SPEF2: variants seen among roughly 807,000 people sequenced by gnomAD.
SPEF2 encodes the protein sperm flagellar and cilia associated 2.
A neutral mutation model predicts 224.6 loss-of-function variants in SPEF2; 187 were observed. The observed-to-expected ratio is 0.83, with a 90% CI of 0.74 to 0.94. The LOEUF is 0.94. SPEF2 is among the 40% of genes least tolerant of loss of function. The pLI is 0.00. For synonymous variants in SPEF2, 715 were observed against 707.3 expected (o/e 1.01, Z -0.17); for missense variants, 2,170 against 2,135.6 (o/e 1.02, Z -0.32).
In SPEF2 at chr5:35,709,121, G is replaced by C; in HGVS notation, c.2839G>C (p.Glu947Gln). 1 of 1,607,814 alleles carries C rather than the reference G, an allele frequency of 6.2e-7. No homozygotes were observed. Among genetic ancestry groups the C allele is most frequent in the Non-Finnish European group, 8.5e-7 (1 of 1,178,352 alleles). ...TACTGCAAAAGGAAAACCTCAATCA[G>C]GTGATTGACAGAATGATTTATAATC... ...TPTAKGKPQSEAPHGKQESLQ... is the reference protein window; with the variant it reads ...TPTAKGKPQSQAPHGKQESLQ... Residue 947 changes from glutamate to glutamine, a missense_variant and splice_region_variant, in exon 19 of 37, where the codon GAA becomes CAA. By Grantham distance (29) the Glu-to-Gln change is conservative. Transcript: ENST00000356031.
chr5:35,666,838 G>T (rs372272257), intron 8 of SPEF2, among the ~76,000 whole-genome samples: 2 of 152,144 alleles, frequency 1.3e-5, no homozygotes, highest in Non-Finnish European at 2.9e-5. Flanking sequence ...GTTAGATCAC[G>T]TCTGACTGTA....
intron 2 of SPEF2, among the ~76,000 whole-genome samples, chr5:35,634,763 T>C (rs570030877): frequency 6.6e-6 from 1 of 152,142 alleles, no homozygotes; most frequent in African/African-American, 2.4e-5. Context: ...TCCTATATTG[T>C]ACATATCTAT....
chr5:35,743,138 G>A (rs891120886), intron 23 of SPEF2, among the ~76,000 whole-genome samples: 2 of 150,952 alleles, frequency 1.3e-5, no homozygotes, highest in Admixed American at 6.6e-5. Flanking sequence ...TAGATATGGT[G>A]GACACACTCC....
At chr5:35,798,051 A>G (rs1465331220) in intron 33 of SPEF2, among the ~76,000 whole-genome samples, 1 of 152,142 alleles carries the variant, frequency 6.6e-6, no homozygotes, top group Non-Finnish European at 1.5e-5. Context: ...CAAAACGCGT[A>G]AATCCCGAAT....
intron 8 of SPEF2, among the ~76,000 whole-genome samples, chr5:35,662,367 T>C (rs1050691556): frequency 6.6e-6 from 1 of 152,198 alleles, no homozygotes; most frequent in African/African-American, 2.4e-5. Flanking sequence ...TTTTCTCCCA[T>C]TCTGTAGGTT....
intron 36 of SPEF2, among the ~76,000 whole-genome samples, chr5:35,808,518 C>T (rs1029248431): frequency 2.0e-5 from 3 of 151,828 alleles, no homozygotes; most frequent in African/African-American, 4.8e-5. Context: ...TCTGTCCTTG[C>T]GATAGTTTGC....
At chr5:35,753,098 G>A (rs967449824) in intron 23 of SPEF2, among the ~76,000 whole-genome samples, 1 of 151,492 alleles carries the variant, frequency 6.6e-6, no homozygotes, top group African/African-American at 2.4e-5. Context: ...TATCTGGCAA[G>A]GGCAATCTCT....
chr5:35,806,948 C>G lies in SPEF2; in HGVS notation c.5252C>G (p.Ala1751Gly). ...ASHLKIENIY[A>G]EGFIKTFQDL... ...CACCTAAAGATAGAGAACATTTATG[C>G]AGAGGTTGGTTAAATTATTTTGAAA... Residue 1751 changes from alanine to glycine, a missense_variant, in exon 35 of 37, where the codon GCA becomes GGA. Transcript: ENST00000356031. 11 of 1,596,656 alleles carry G rather than the reference C, an allele frequency of 6.9e-6. No homozygotes were observed. The highest frequency in any genetic ancestry group is 9.4e-6 in the Non-Finnish European group (11 of 1,173,404).
At chr5:35,672,734 T>G (rs1751360287) in intron 10 of SPEF2, among the ~76,000 whole-genome samples, 1 of 152,142 alleles carries the variant, frequency 6.6e-6, no homozygotes, top group Non-Finnish European at 1.5e-5. Flanking sequence ...CAAGCAAATG[T>G]ATTATTCAGA....
chr5:35,751,042 T>TGTGTATATATATAC (rs1749431661), intron 23 of SPEF2, among the ~76,000 whole-genome samples: 1 of 31,366 alleles, frequency 3.2e-5, no homozygotes. Flanking sequence ...TATACACATA[T>TGTGTATATATATAC]GTATATATAT....
chr5:35,751,045 A>ATATATATACG lies in SPEF2; in HGVS notation c.3331-2571_3331-2570insCGTATATATA, dbSNP rs1554048674. Among the ~76,000 whole-genome samples, 126 of 64,314 alleles carry ATATATATACG rather than the reference A, an allele frequency of 2.0e-3. 10 individuals carry two copies. The highest frequency in any genetic ancestry group is 6.9e-3 in the African/African-American group (119 of 17,344). The allele number at this position is 64,314 out of a possible 152,430, so 42.2% of individuals were successfully genotyped here. On this transcript the variant is annotated intron_variant, in intron 23 of 36. Transcript: ENST00000356031. ...TATACGTATATATATACACATATGT[A>ATATATATACG]TATATATATACGTATATATATGTAT...
chr5:35,660,456 T>C (rs1180365584), intron 8 of SPEF2, among the ~76,000 whole-genome samples: 8 of 152,238 alleles, frequency 5.3e-5, no homozygotes, highest in South Asian at 4.1e-4. Context: ...AATTATGCAA[T>C]TTTTAGAAAT....
At chr5:35,723,241 CA>C (rs1744083742) in intron 20 of SPEF2, among the ~76,000 whole-genome samples, 1 of 152,028 alleles carries the variant, frequency 6.6e-6, no homozygotes, top group Admixed American at 6.6e-5. Context: ...GGAAAAAAGA[CA>C]AAAGTGAAAG....
At chr5:35,700,856 C>G (rs1264739149) in intron 16 of SPEF2, 104 bp downstream of exon 16, 1 of 1,214,160 alleles carries the variant, frequency 8.2e-7, no homozygotes, top group African/African-American at 1.5e-5. Context: ...ACAAAATAAT[C>G]CACTTCAGCC....
chr5:35,774,120 A>G (rs1580684681), intron 28 of SPEF2, 99 bp downstream of exon 28: 3 of 1,452,436 alleles, frequency 2.1e-6, no homozygotes, highest in East Asian at 2.3e-5. Flanking sequence ...GACCATGTCT[A>G]TGAGAACATA....
At chr5:35,644,220 G>C in intron 3 of SPEF2, 135 bp from the exon 4 acceptor site, 1 of 675,788 alleles carries the variant, frequency 1.5e-6, no homozygotes, top group Non-Finnish European at 2.3e-6. Context: ...ATTGGAATGG[G>C]GTTTGAATTT....
intron 10 of SPEF2, among the ~76,000 whole-genome samples, chr5:35,683,704 G>A (rs928316027): frequency 4.6e-5 from 7 of 152,186 alleles, no homozygotes; most frequent in African/African-American, 1.7e-4. Context: ...TTTCCTCTCT[G>A]TTGTAATTTT....
intron 16 of SPEF2, 80 bp downstream of exon 16, chr5:35,700,832 A>G: frequency 7.0e-7 from 1 of 1,419,298 alleles, no homozygotes; most frequent in Non-Finnish European, 9.7e-7. Flanking sequence ...TCCCATTTAC[A>G]ATTATAAATG....
chr5:35,747,829 A>G (rs769540700), intron 23 of SPEF2, among the ~76,000 whole-genome samples: 127 of 152,204 alleles, frequency 8.3e-4, no homozygotes, highest in Non-Finnish European at 1.5e-3. Context: ...GCTTGGAACA[A>G]ATGGACTTAA....
Sources: allele counts gnomAD v4.1 joint callset (sites outside exome capture counted in the v4.1 genomes callset), GRCh38; gene constraint gnomAD v4.1.1; transcripts MANE v1.5; gene names NCBI Gene and HGNC (gene_info 2026-07-23, HGNC 2026-07-21).